Variants in LRFN2 observed in about 807,000 individuals in gnomAD.
LRFN2 encodes the protein leucine-rich repeat and fibronectin type-III domain-containing protein 2.
Under a neutral mutation model 37.3 loss-of-function variants are expected in LRFN2, and 18 were observed. That is an observed-to-expected ratio of 0.48 (90% CI 0.33 to 0.72). LRFN2 has a LOEUF of 0.72. Ranked by LOEUF, LRFN2 falls within the 30% of genes least tolerant of loss-of-function variation. The pLI, the probability that LRFN2 is intolerant of heterozygous loss-of-function variation, is 0.02. For synonymous variants in LRFN2, 556 were observed against 466.6 expected (o/e 1.19, Z -2.47); for missense variants, 1,006 against 1,060.7 (o/e 0.95, Z 0.72).
Position 40,432,312 on chromosome 6 carries a change from G to A in LRFN2, c.802C>T (p.Pro268Ser), listed in dbSNP as rs1438924119. The A allele has an allele frequency of 1.9e-6, 3 of 1,614,124 alleles. No individual in the cohort carries two copies. The highest frequency in any genetic ancestry group is 2.5e-6 in the Non-Finnish European group (3 of 1,180,050). ...AAGTAGCGACCCTTGAGGCCCCCTG[G>A]GGAGCCACAGGTTTCCAGGTCATCG... ...RDDDLETCGS[P>S]GGLKGRYFWH... is the part of the protein sequence containing the mutation. Residue 268 changes from proline to serine, a missense_variant, in exon 2 of 3, where the codon CCA becomes TCA. Coordinates refer to ENST00000338305, the MANE Select transcript of LRFN2 (RefSeq NM_020737.3).
chr6:40,436,589 C>A (rs1324387326), intron 1 of LRFN2, among the ~76,000 whole-genome samples: 1 of 152,084 alleles, frequency 6.6e-6, no homozygotes, highest in African/African-American at 2.4e-5. Context: ...CCCATGAGCA[C>A]CTGCCCACCC....
intron 1 of LRFN2, among the ~76,000 whole-genome samples, chr6:40,483,930 G>A (rs989922481): frequency 1.3e-5 from 2 of 152,174 alleles, no homozygotes; most frequent in Non-Finnish European, 2.9e-5. Flanking sequence ...TCTTGAGCCT[G>A]TCAGCATTCC....
intron 1 of LRFN2, among the ~76,000 whole-genome samples, chr6:40,526,415 T>G (rs1173816609): frequency 2.0e-5 from 3 of 152,232 alleles, no homozygotes; most frequent in Non-Finnish European, 4.4e-5. Context: ...CTCCCAGTTC[T>G]GATCTGCCCT....
chr6:40,391,835 T>A lies in LRFN2; in HGVS notation c.*108A>T. The stretch of plus-strand genomic sequence containing the variant: ...GAGGCCATTGACAGGGAGACGAAAC[T>A]GTCCCTGGATGTAAACATCACCATG... On this transcript the variant is annotated 3_prime_UTR_variant, in exon 3 of 3. Transcript: ENST00000338305. The A allele has an allele frequency of 8.2e-7, 1 of 1,219,534 alleles. No individual in the cohort carries two copies. The highest frequency in any genetic ancestry group is 1.1e-6 in the Non-Finnish European group (1 of 902,672). 75.5% of individuals were successfully genotyped at this position (1,219,534 alleles called of 1,614,324 possible).
intron 1 of LRFN2, among the ~76,000 whole-genome samples, chr6:40,500,296 G>A (rs746343458): frequency 3.9e-5 from 6 of 152,238 alleles, no homozygotes; most frequent in Non-Finnish European, 7.3e-5. Flanking sequence ...TTGGCCCATG[G>A]GATGTACCAG....
At chr6:40,483,917 C>A (rs1764890873) in intron 1 of LRFN2, among the ~76,000 whole-genome samples, 1 of 152,208 alleles carries the variant, frequency 6.6e-6, no homozygotes, top group Non-Finnish European at 1.5e-5. Context: ...ACATCATCCT[C>A]CCTCTTGAGC....
intron 2 of LRFN2, among the ~76,000 whole-genome samples, chr6:40,394,408 C>T (rs1762573237): frequency 6.6e-6 from 1 of 152,176 alleles, no homozygotes; most frequent in Admixed American, 6.5e-5. Flanking sequence ...TGAAAGGGCT[C>T]TATCAGTTCC....
rs1247273772 is a variant in LRFN2 at position 40,473,448 on chromosome 6, T to C, written c.-18-40317A>G. On this transcript the variant is annotated intron_variant, in intron 1 of 2. Coordinates refer to ENST00000338305, the MANE Select transcript of LRFN2 (RefSeq NM_020737.3). ...CCCAGGCCTCCGTTTCCACTCCCAGTCATTGGGGGAAATGGTCATGGCCAA... is the reference window on the plus strand; with the variant it reads ...CCCAGGCCTCCGTTTCCACTCCCAGCCATTGGGGGAAATGGTCATGGCCAA... 3.9e-5 allele frequency among the ~76,000 whole-genome samples: 6 copies of C among 152,238 alleles called. No individual in the cohort carries two copies. In the East Asian group the frequency reaches 1.2e-3, roughly 29 times the overall value.
At chr6:40,542,458 A>G (rs1766573649) in intron 1 of LRFN2, among the ~76,000 whole-genome samples, 1 of 152,008 alleles carries the variant, frequency 6.6e-6, no homozygotes. Context: ...AGACTTTCAC[A>G]GTGATTTGGA....
At chr6:40,462,108 G>T (rs1001178357) in intron 1 of LRFN2, among the ~76,000 whole-genome samples, 2 of 152,152 alleles carry the variant, frequency 1.3e-5, no homozygotes. Flanking sequence ...AGTAATTACT[G>T]CAAGAACTGA....
In LRFN2 at chr6:40,450,441, C is replaced by A. The variant is rs183113566; in HGVS notation, c.-18-17310G>T. Among the ~76,000 whole-genome samples, 4 of 152,320 alleles carry A rather than the reference C, an allele frequency of 2.6e-5. No individual in the cohort carries two copies. The East Asian group carries it at 5.8e-4, about 22-fold the overall frequency. Reference sequence around the variant, plus strand: ...AACAAATTGCACTGAAGTTAAATGTCAAAGGCCCCTGAGCACATTGCAAGG... The same window carrying A: ...AACAAATTGCACTGAAGTTAAATGTAAAAGGCCCCTGAGCACATTGCAAGG... On this transcript the variant is annotated intron_variant, in intron 1 of 2. Coordinates refer to ENST00000338305, the MANE Select transcript of LRFN2 (RefSeq NM_020737.3).
chr6:40,441,460 G>C (rs1216371562), intron 1 of LRFN2, among the ~76,000 whole-genome samples: 1 of 152,310 alleles, frequency 6.6e-6, no homozygotes, highest in East Asian at 1.9e-4. Flanking sequence ...TGTGGGTAAA[G>C]GAGGGCTGGA....
chr6:40,467,406 C>A (rs1488289772), intron 1 of LRFN2, among the ~76,000 whole-genome samples: 1 of 152,094 alleles, frequency 6.6e-6, no homozygotes, highest in Non-Finnish European at 1.5e-5. Flanking sequence ...TGAGCTAGAG[C>A]CAAGACCTAA....
At chr6:40,572,310 T>G (rs1022586426) in intron 1 of LRFN2, among the ~76,000 whole-genome samples, 1 of 152,174 alleles carries the variant, frequency 6.6e-6, no homozygotes, top group Non-Finnish European at 1.5e-5. Flanking sequence ...TTACTTAGTA[T>G]GAACATCAGA....
chr6:40,573,488 T>A, intron 1 of LRFN2, among the ~76,000 whole-genome samples: 1 of 152,238 alleles, frequency 6.6e-6, no homozygotes, highest in East Asian at 1.9e-4. Context: ...ACAGCATCTC[T>A]GAGCCTGCCG....
intron 1 of LRFN2, among the ~76,000 whole-genome samples, chr6:40,538,376 G>C (rs1488060572): frequency 6.6e-6 from 1 of 152,128 alleles, no homozygotes; most frequent in African/African-American, 2.4e-5. Context: ...CCCTCTGACA[G>C]CTCATTCCAG....
intron 1 of LRFN2, among the ~76,000 whole-genome samples, chr6:40,560,624 C>G (rs1336778096): frequency 1.3e-5 from 2 of 152,170 alleles, no homozygotes; most frequent in Non-Finnish European, 2.9e-5. Flanking sequence ...TGGTGTTTAT[C>G]AAACCGCAGT....
chr6:40,431,626 T>G, intron 2 of LRFN2, 88 bp downstream of exon 2: 1 of 1,165,104 alleles, frequency 8.6e-7, no homozygotes. Flanking sequence ...AAGAGGGGTA[T>G]AGGTGGGAGC....
intron 1 of LRFN2, among the ~76,000 whole-genome samples, chr6:40,568,264 T>C (rs1767124989): frequency 6.6e-6 from 1 of 152,326 alleles, no homozygotes; most frequent in Non-Finnish European, 1.5e-5. Context: ...TTAAGATACA[T>C]GTGGACTGTG....
Sources: gnomAD v4.1 joint callset for allele counts (sites outside exome capture counted in the v4.1 genomes callset) on GRCh38, gnomAD v4.1.1 for gene constraint, MANE v1.5 for transcripts, NCBI Gene and HGNC (gene_info 2026-07-23, HGNC 2026-07-21) for gene names.